Variants in PLAC8 observed in about 807,000 individuals in gnomAD.
PLAC8 encodes placenta-specific gene 8 protein.
A neutral mutation model predicts 12.6 loss-of-function variants in PLAC8; 6 were observed. The ratio of observed to expected loss-of-function variants is 0.48; its 90% CI spans 0.26 to 0.94. The LOEUF (loss-of-function observed/expected upper bound fraction) is 0.94. Among genes scored for constraint, PLAC8 ranks in the 40% least tolerant of loss-of-function variants. The pLI is 0.14. For synonymous variants in PLAC8, 54 were observed against 52.6 expected (o/e 1.03, Z -0.11); for missense variants, 122 against 152.7 (o/e 0.80, Z 1.06).
At chr4:83,104,769 T>C (rs1250669406) in intron 3 of PLAC8, 127 bp downstream of exon 3, 7 of 1,006,706 alleles carry the variant, frequency 7.0e-6, no homozygotes, top group African/African-American at 4.8e-5. Flanking sequence ...GAATGCAAGA[T>C]TGCACATGCT....
chr4:83,091,542 C>T (rs931196295), intron 4 of PLAC8, among the ~76,000 whole-genome samples: 4 of 152,164 alleles, frequency 2.6e-5, no homozygotes, highest in South Asian at 2.1e-4. Flanking sequence ...ATGATGGTGA[C>T]GTTGATTACC....
At chr4:83,098,487 T>C (rs1337320499) in intron 3 of PLAC8, among the ~76,000 whole-genome samples, 1 of 152,202 alleles carries the variant, frequency 6.6e-6, no homozygotes, top group African/African-American at 2.4e-5. Flanking sequence ...ACTGGATAGA[T>C]ATATACAATT....
At chr4:83,104,751 C>T (rs1732194210) in intron 3 of PLAC8, 145 bp downstream of exon 3, 1 of 872,362 alleles carries the variant, frequency 1.1e-6, no homozygotes, top group Non-Finnish European at 1.8e-6. Context: ...AGATCTGTTG[C>T]TACAACTGAA....
chr4:83,094,670 T>C lies in PLAC8; in HGVS notation c.*9+8A>G. 7.0e-7 allele frequency: 1 copy of C among 1,430,122 alleles called. No homozygotes were observed. The highest frequency in any genetic ancestry group is 9.8e-7 in the Non-Finnish European group (1 of 1,022,476). The allele number at this position is 1,430,122 out of a possible 1,614,324, so 88.6% of individuals were successfully genotyped here. A position where few individuals can be genotyped will look rare whatever the true frequency, so the allele number is the denominator to read the frequency against. On this transcript the variant is annotated splice_region_variant and intron_variant, in intron 4 of 4. Transcript: ENST00000311507. ...CATGTTCTGAGAGGCATGTTTGCAT[T>C]GACTCACCATCAGTTTTTAGAAAGT... is the stretch of plus-strand genomic sequence containing the variant.
At chr4:83,094,856 A>T in intron 3 of PLAC8, 65 bp from the exon 4 acceptor site, 1 of 898,072 alleles carries the variant, frequency 1.1e-6, no homozygotes. Context: ...GACTTGCCAC[A>T]TCTTGAAGAG....
At chr4:83,110,582 C>G (rs1732402152) in intron 1 of PLAC8, among the ~76,000 whole-genome samples, 1 of 152,198 alleles carries the variant, frequency 6.6e-6, no homozygotes, top group Non-Finnish European at 1.5e-5. Flanking sequence ...CTAGCGCCCC[C>G]GCCACCACGC....
At chr4:83,109,707 G>C (rs1012215215) in intron 1 of PLAC8, 8 of 151,972 alleles carry the variant, frequency 5.3e-5, no homozygotes, top group Admixed American at 2.0e-4. Flanking sequence ...GAGGCGGGGA[G>C]TGGGTGGGTG....
At chr4:83,108,404 C>G (rs6817600) in intron 1 of PLAC8, among the ~76,000 whole-genome samples, 1 of 151,836 alleles carries the variant, frequency 6.6e-6, no homozygotes, top group Admixed American at 6.6e-5. Context: ...ACCAGCCTGG[C>G]CAGTATGGCG....
chr4:83,100,276 A>G (rs572954214), intron 3 of PLAC8, among the ~76,000 whole-genome samples: 5,042 of 129,168 alleles, frequency 0.039, 237 homozygotes, highest in African/African-American at 0.13. Flanking sequence ...GCGAGACTCC[A>G]TCTCAAAAAA....
chr4:83,102,115 TA>T lies in PLAC8; in HGVS notation c.243+2780del, dbSNP rs918809026. On this transcript the variant is annotated intron_variant, in intron 3 of 4. Transcript: ENST00000311507. ...ATTTTGATTTTCAAGTCTTATTATT[TA>T]AAAAAAAAAACACTTTTGAAGGCTG... Among the ~76,000 whole-genome samples, 292 of 145,660 alleles carry T rather than the reference TA, an allele frequency of 2.0e-3. 1 individual carries two copies. The highest frequency in any genetic ancestry group is 4.8e-3 in the African/African-American group (189 of 39,724).
intron 3 of PLAC8, among the ~76,000 whole-genome samples, chr4:83,098,023 TA>T (rs1344419197): frequency 6.6e-6 from 1 of 152,106 alleles, no homozygotes; most frequent in Non-Finnish European, 1.5e-5. Context: ...CATGCTCAGC[TA>T]ATTTTTGTAT....
rs1487417303 is a variant in PLAC8 at position 83,092,645 on chromosome 4, TAAGGCC to T, written c.*10-1680_*10-1675del. 2.0e-5 allele frequency among the ~76,000 whole-genome samples: 3 copies of T among 152,214 alleles called. No homozygotes were observed. The South Asian group carries it at 6.2e-4, about 32-fold the overall frequency. On this transcript the variant is annotated intron_variant, in intron 4 of 4. Coordinates refer to ENST00000311507, the MANE Select transcript of PLAC8 (RefSeq NM_016619.3). ...AGCTTAGTATTCAGACATCGCATGC[TAAGGCC>T]TTTAAAATCTTTTATTTTTCGTTAT...
chr4:83,099,448 T>A (rs920748876), intron 3 of PLAC8, among the ~76,000 whole-genome samples: 23 of 152,250 alleles, frequency 1.5e-4, no homozygotes, highest in African/African-American at 5.5e-4. Flanking sequence ...TTCATTCTTA[T>A]TATATCTGTT....
chr4:83,110,404 G>A (rs1248369605), intron 1 of PLAC8, among the ~76,000 whole-genome samples: 2 of 152,134 alleles, frequency 1.3e-5, no homozygotes, highest in African/African-American at 4.8e-5. Context: ...CAATGATTCC[G>A]TTTTCGTCAC....
intron 4 of PLAC8, chr4:83,093,058 A>G (rs959848669): frequency 4.6e-5 from 7 of 151,960 alleles, no homozygotes; most frequent in African/African-American, 1.7e-4. Flanking sequence ...TGGCCTCCCA[A>G]AGTGCTGGGA....
intron 2 of PLAC8, among the ~76,000 whole-genome samples, chr4:83,106,793 T>C (rs957806915): frequency 6.6e-6 from 1 of 152,242 alleles, no homozygotes; most frequent in African/African-American, 2.4e-5. Context: ...TTGGTCATTA[T>C]TGAGAACTAA....
intron 4 of PLAC8, among the ~76,000 whole-genome samples, chr4:83,091,828 C>T (rs1245499838): frequency 6.6e-6 from 1 of 152,186 alleles, no homozygotes; most frequent in Non-Finnish European, 1.5e-5. Context: ...CTGCTTTCAA[C>T]ATACATACTT....
intron 1 of PLAC8, among the ~76,000 whole-genome samples, chr4:83,111,702 T>A (rs1451472998): frequency 6.6e-6 from 1 of 152,234 alleles, no homozygotes; most frequent in East Asian, 1.9e-4. Context: ...ATAACAGCAA[T>A]CTGAAGATTT....
At chr4:83,102,077 C>T (rs887732891) in intron 3 of PLAC8, among the ~76,000 whole-genome samples, 15 of 151,520 alleles carry the variant, frequency 9.9e-5, no homozygotes, top group Admixed American at 9.9e-4. Context: ...ATTCTGCAGC[C>T]AATCAAGGAG....
Sources: allele counts gnomAD v4.1 joint callset (sites outside exome capture counted in the v4.1 genomes callset), GRCh38; gene constraint gnomAD v4.1.1; transcripts MANE v1.5; gene names NCBI Gene and HGNC (gene_info 2026-07-23, HGNC 2026-07-21).